Variants in NRXN1 observed in about 807,000 individuals in gnomAD.
The protein encoded by NRXN1 is neurexin-1.
NRXN1 carries 39 observed loss-of-function variants against 150.9 expected under a neutral mutation model. The ratio of observed to expected loss-of-function variants is 0.26; its 90% confidence interval spans 0.20 to 0.34. NRXN1 has a LOEUF of 0.34. Among genes scored for constraint, NRXN1 ranks in the 10% least tolerant of loss-of-function variants. The pLI, the probability that NRXN1 is intolerant of heterozygous loss-of-function variation, is 1.00. For missense variants in NRXN1, 1,815 were observed against 1,949.9 expected (o/e 0.93, Z 1.30); for synonymous variants, 924 against 757.0 (o/e 1.22, Z -3.62).
chr2:49,952,251 A>G (rs780785409), intron 21 of NRXN1, among the ~76,000 whole-genome samples: 6 of 152,070 alleles, frequency 3.9e-5, no homozygotes, highest in South Asian at 2.1e-4. Context: ...GATACATGAT[A>G]AGATAAACTT....
At chr2:50,751,339 G>T (rs898585832) in intron 5 of NRXN1, among the ~76,000 whole-genome samples, 1 of 151,996 alleles carries the variant, frequency 6.6e-6, no homozygotes, top group Non-Finnish European at 1.5e-5. Context: ...GACTGAGTTA[G>T]CAATGTCTAC....
chr2:50,078,202 A>C (rs897269138), intron 19 of NRXN1, among the ~76,000 whole-genome samples: 1 of 152,214 alleles, frequency 6.6e-6, no homozygotes, highest in Non-Finnish European at 1.5e-5. Context: ...TTCTTCTGGA[A>C]TAAATCTACT....
chr2:50,462,175 A>G (rs889411592), intron 17 of NRXN1, among the ~76,000 whole-genome samples: 18 of 151,918 alleles, frequency 1.2e-4, no homozygotes, highest in African/African-American at 4.1e-4. Flanking sequence ...AGCATGCTAT[A>G]AAAACACTGG....
chr2:50,481,469 T>A (rs1346098096), intron 15 of NRXN1, among the ~76,000 whole-genome samples: 1 of 152,244 alleles, frequency 6.6e-6, no homozygotes, highest in South Asian at 2.1e-4. Flanking sequence ...CAAAACTTTT[T>A]AAATCAAATT....
chr2:50,495,374 GTGTGTGGT>G (rs1196803005), intron 15 of NRXN1, among the ~76,000 whole-genome samples: 6 of 7,708 alleles, frequency 7.8e-4, no homozygotes, highest in Non-Finnish European at 1.8e-3. Context: ...GTGTGTGTGT[GTGTGTGGT>G]GTGTGTGTGT....
chr2:50,493,732 G>A (rs2091397890), intron 15 of NRXN1, among the ~76,000 whole-genome samples: 1 of 152,034 alleles, frequency 6.6e-6, no homozygotes, highest in Non-Finnish European at 1.5e-5. Context: ...GCTCAAACTT[G>A]GACTAATTTT....
At chr2:50,529,007 C>T (rs2093030374) in intron 11 of NRXN1, 3 of 225,704 alleles carry the variant, frequency 1.3e-5, no homozygotes, top group Middle Eastern at 1.6e-3. Context: ...AAAAGTGCTC[C>T]GTCACAATGG....
At chr2:50,952,790 C>T (rs1575038161) in intron 2 of NRXN1, among the ~76,000 whole-genome samples, 2 of 152,238 alleles carry the variant, frequency 1.3e-5, no homozygotes, top group African/African-American at 4.8e-5. Context: ...TCATACTCCC[C>T]CTTTCGTCAT....
At chr2:50,225,002 C>G (rs1559125758) in intron 18 of NRXN1, among the ~76,000 whole-genome samples, 1 of 151,894 alleles carries the variant, frequency 6.6e-6, no homozygotes, top group African/African-American at 2.4e-5. Flanking sequence ...GTGGAGCTAG[C>G]CATTAACAAA....
intron 18 of NRXN1, among the ~76,000 whole-genome samples, chr2:50,190,672 G>C (rs2061387844): frequency 6.7e-6 from 1 of 149,812 alleles, no homozygotes; most frequent in Non-Finnish European, 1.5e-5. Context: ...GAGTGCAATG[G>C]CGTGATCTTG....
At chr2:50,239,597 C>A (rs1315384669) in intron 17 of NRXN1, among the ~76,000 whole-genome samples, 2 of 136,886 alleles carry the variant, frequency 1.5e-5, no homozygotes, top group African/African-American at 5.5e-5. Context: ...AACGTGCTAT[C>A]TAAAGTTGCA....
intron 17 of NRXN1, among the ~76,000 whole-genome samples, chr2:50,306,918 A>T (rs958771136): frequency 6.6e-6 from 1 of 152,196 alleles, no homozygotes; most frequent in Non-Finnish European, 1.5e-5. Context: ...TGCATGTCAT[A>T]TATTAAACAA....
At chr2:50,132,355 G>C (rs1705647310) in intron 18 of NRXN1, among the ~76,000 whole-genome samples, 1 of 149,206 alleles carries the variant, frequency 6.7e-6, no homozygotes, top group Non-Finnish European at 1.5e-5. Context: ...GCCCAGGCTG[G>C]AGTGCAGTGG....
chr2:50,391,006 T>G (rs1211185365), intron 17 of NRXN1, among the ~76,000 whole-genome samples: 1 of 152,178 alleles, frequency 6.6e-6, no homozygotes, highest in Non-Finnish European at 1.5e-5. Context: ...TGATGTCATT[T>G]ATTCTAATAT....
Position 51,026,312 on chromosome 2 carries a change from T to C in NRXN1, c.772+1190A>G. On this transcript the variant is annotated intron_variant, in intron 2 of 22. Transcript: ENST00000401669. Reference sequence around the variant, plus strand: ...TGCTTTGACCCATAAGCTATCTACTTTAAATCCTGACATCTCCTACTTAGC... The same window carrying C: ...TGCTTTGACCCATAAGCTATCTACTCTAAATCCTGACATCTCCTACTTAGC... 4 of 1,141,160 alleles carry C rather than the reference T, an allele frequency of 3.5e-6. No homozygotes were observed. In the South Asian group the frequency reaches 5.3e-5, roughly 15 times the overall value. The allele number at this position is 1,141,160 out of a possible 1,614,324, so 70.7% of individuals were successfully genotyped here.
chr2:50,510,372 G>C (rs1402746748), intron 12 of NRXN1, among the ~76,000 whole-genome samples: 1 of 150,570 alleles, frequency 6.6e-6, no homozygotes, highest in African/African-American at 2.4e-5. Context: ...CGTAATCCCA[G>C]CTACTCAGGA....
intron 5 of NRXN1, among the ~76,000 whole-genome samples, chr2:50,801,188 T>G (rs1707535355): frequency 6.6e-6 from 1 of 152,180 alleles, no homozygotes; most frequent in Admixed American, 6.5e-5. Context: ...AGTTTCTAAT[T>G]ATTTCCAATA....
At chr2:49,944,058 G>T (rs1329756743) in intron 21 of NRXN1, among the ~76,000 whole-genome samples, 1 of 152,208 alleles carries the variant, frequency 6.6e-6, no homozygotes, top group Non-Finnish European at 1.5e-5. Context: ...GCAGATAGAA[G>T]CTGCACACAG....
In NRXN1 at chr2:50,725,154, T is replaced by C. The variant is rs375579378; in HGVS notation, c.833-101539A>G. Among the ~76,000 whole-genome samples, 9 of 152,058 alleles carry C rather than the reference T, an allele frequency of 5.9e-5. 1 individual carries two copies. The East Asian group carries it at 1.3e-3, about 23-fold the overall frequency. On this transcript the variant is annotated intron_variant, in intron 5 of 22. Coordinates refer to ENST00000401669, the MANE Select transcript of NRXN1 (RefSeq NM_001330078.2). ...TAGAAAGAAAATCAGAAAATCTGGTTTTCAATATTATCTCGATGTGACCTT... is the reference window on the plus strand; with the variant it reads ...TAGAAAGAAAATCAGAAAATCTGGTCTTCAATATTATCTCGATGTGACCTT...
Sources: gnomAD v4.1 joint callset for allele counts (sites outside exome capture counted in the v4.1 genomes callset) on GRCh38, gnomAD v4.1.1 for gene constraint, MANE v1.5 for transcripts, NCBI Gene and HGNC (gene_info 2026-07-23, HGNC 2026-07-21) for gene names.